Variants in NLRC5 observed in about 807,000 individuals in gnomAD.
The protein encoded by NLRC5 is NLR family CARD domain containing 5, also known as protein NLRC5.
In NLRC5, 114 loss-of-function variants were observed where a neutral mutation model predicts 206.9. That is an observed-to-expected ratio of 0.55 (90% CI 0.47 to 0.64). The LOEUF (loss-of-function observed/expected upper bound fraction) is 0.64. Ranked by LOEUF, NLRC5 falls within the 30% of genes least tolerant of loss-of-function variation. The pLI is 0.00. For synonymous variants in NLRC5, 952 were observed against 962.8 expected (o/e 0.99, Z 0.21); for missense variants, 2,008 against 2,305.5 (o/e 0.87, Z 2.64).
chr16:57,007,155 C>T (rs1354608275), intron 1 of NLRC5, among the ~76,000 whole-genome samples: 1 of 152,142 alleles, frequency 6.6e-6, no homozygotes, highest in Non-Finnish European at 1.5e-5. Context: ...TCCCAGCAGG[C>T]CCAGATCCCT....
rs368774149 is a variant in NLRC5 at position 57,001,296 on chromosome 16, G to A, written c.-128+11679G>A. ...CCAAATGTCTGTAGTCATGACTGGG[G>A]TGCCTGGCTATCACCCCACAAACTG... On this transcript the variant is annotated intron_variant, in intron 1 of 48. Transcript: ENST00000688547. Among the ~76,000 whole-genome samples, 4 of 152,300 alleles carry A rather than the reference G, an allele frequency of 2.6e-5. No homozygotes were observed. The East Asian group carries it at 7.7e-4, about 29-fold the overall frequency.
At chr16:57,023,692 T>C in intron 4 of NLRC5, 93 bp from the exon 5 acceptor site, 3 of 1,052,118 alleles carry the variant, frequency 2.9e-6, no homozygotes, top group Non-Finnish European at 4.2e-6. Context: ...GCCTGCCACC[T>C]GTCTGTGGAC....
At position 57,011,994 on chromosome 16, in the gene NLRC5, T is replaced by C. The variant is rs74843590; in HGVS notation, c.-127-5080T>C. Among the ~76,000 whole-genome samples the C allele has an allele frequency of 1.0e-3, 152 of 152,362 alleles. 2 individuals carry two copies. In the East Asian group the frequency reaches 0.026, roughly 26 times the overall value. On this transcript the variant is annotated intron_variant, in intron 1 of 48. Coordinates refer to ENST00000688547, the MANE Select transcript of NLRC5 (RefSeq NM_001384950.1). The stretch of plus-strand genomic sequence containing the variant: ...GAGTTATGTGACCATCACCACAATC[T>C]GGTTTTGGGACATTTTCATTACTGC...
intron 1 of NLRC5, among the ~76,000 whole-genome samples, chr16:57,014,836 T>G (rs2142750933): frequency 6.6e-6 from 1 of 152,210 alleles, no homozygotes; most frequent in East Asian, 1.9e-4. Context: ...AGGATGCGCT[T>G]CCTGGTTTGC....
intron 15 of NLRC5, among the ~76,000 whole-genome samples, chr16:57,039,372 T>C (rs892046192): frequency 2.6e-5 from 4 of 152,090 alleles, no homozygotes; most frequent in African/African-American, 9.7e-5. Context: ...TCAGAGGAAG[T>C]GGCTGCAGCT....
intron 1 of NLRC5, among the ~76,000 whole-genome samples, chr16:57,001,200 C>A (rs1159438825): frequency 6.6e-6 from 1 of 152,224 alleles, no homozygotes; most frequent in African/African-American, 2.4e-5. Flanking sequence ...GGTCCCCAGG[C>A]CCTGACCTGT....
chr16:57,020,103 C>T (rs778976773), intron 2 of NLRC5, among the ~76,000 whole-genome samples: 5 of 151,934 alleles, frequency 3.3e-5, no homozygotes, highest in African/African-American at 4.8e-5. Flanking sequence ...TATTTTATGT[C>T]GCTCAAATGT....
intron 1 of NLRC5, among the ~76,000 whole-genome samples, chr16:57,008,312 A>T (rs2059139615): frequency 6.6e-6 from 1 of 152,240 alleles, no homozygotes. Flanking sequence ...CGTGAAACAT[A>T]ACACATAGAA....
At chr16:57,046,675 C>T (rs1437777399) in intron 22 of NLRC5, 34 bp downstream of exon 22, 1 of 1,575,566 alleles carries the variant, frequency 6.3e-7, no homozygotes, top group Admixed American at 1.7e-5. Context: ...TGGGGGTAAC[C>T]ATAATAGGGA....
rs77710572 is a variant in NLRC5, at chr16:57,012,459, C to T, written c.-127-4615C>T. Among the ~76,000 whole-genome samples, 719 of 152,228 alleles carry T rather than the reference C, an allele frequency of 4.7e-3. 7 individuals are homozygous for T. Among genetic ancestry groups the T allele is most frequent in the African/African-American group, 0.016 (677 of 41,546 alleles). On this transcript the variant is annotated intron_variant, in intron 1 of 48. Transcript: ENST00000688547. ...CAACCCCCAGGCTACAGATCAGTGT[C>T]GGTTCATGGCCTGTTAGGAACTGGG...
intron 12 of NLRC5, 48 bp downstream of exon 12, chr16:57,033,717 G>C (rs757131815): frequency 1.3e-6 from 2 of 1,559,290 alleles, no homozygotes; most frequent in Non-Finnish European, 1.8e-6. Flanking sequence ...TGATATGGGG[G>C]AAAGTCCGAG....
At chr16:57,000,222 C>G (rs1231595119) in intron 1 of NLRC5, among the ~76,000 whole-genome samples, 3 of 152,136 alleles carry the variant, frequency 2.0e-5, no homozygotes, top group African/African-American at 7.2e-5. Context: ...GAAGCAAGGC[C>G]ACCAGCTGGC....
intron 41 of NLRC5, 93 bp from the exon 42 acceptor site, chr16:57,077,626 C>T (rs762462966): frequency 5.4e-5 from 69 of 1,268,238 alleles, no homozygotes; most frequent in Admixed American, 1.4e-4. Flanking sequence ...GTCTCTTAGG[C>T]CCCCTGAAGC....
rs1268567696 is a variant in NLRC5, at chr16:57,080,544, G to A, written c.5322-554G>A. On this transcript the variant is annotated intron_variant, in intron 46 of 48. Transcript: ENST00000688547. ...CTGTTACCCAGGCTGGAGTGCAGTG[G>A]TGCAATCTCGGCTCACTGCAACCTC... Among the ~76,000 whole-genome samples, 6 of 140,280 alleles carry A rather than the reference G, an allele frequency of 4.3e-5. No homozygotes were observed. The Admixed American group carries it at 4.6e-4, about 11-fold the overall frequency. 92.0% of individuals were successfully genotyped at this position (140,280 alleles called of 152,430 possible).
intron 29 of NLRC5, 21 bp from the exon 30 acceptor site, chr16:57,059,446 C>A: frequency 6.3e-7 from 1 of 1,597,778 alleles, no homozygotes; most frequent in East Asian, 2.3e-5. Context: ...ACCGTGCTTC[C>A]CCAGGCCCTT....
chr16:57,049,733 C>T (rs796622660), intron 23 of NLRC5, among the ~76,000 whole-genome samples: 11 of 145,192 alleles, frequency 7.6e-5, no homozygotes, highest in Middle Eastern at 3.3e-3. Context: ...GACTCTGTCT[C>T]AAATAAATAA....
Position 57,005,498 on chromosome 16 carries a change from TAA to T in NLRC5, c.-127-11563_-127-11562del, listed in dbSNP as rs10707313. On this transcript the variant is annotated intron_variant, in intron 1 of 48. Coordinates refer to ENST00000688547, the MANE Select transcript of NLRC5 (RefSeq NM_001384950.1). Reference sequence around the variant, plus strand: ...ACATAGCGGGACCTCATCTTAATATTAAAAAAAAAAAAAAGAGAAAGAAAAAA... The same window carrying T: ...ACATAGCGGGACCTCATCTTAATATTAAAAAAAAAAAAGAGAAAGAAAAAA... Among the ~76,000 whole-genome samples the T allele has an allele frequency of 3.0e-3, 439 of 144,332 alleles. 3 individuals are homozygous for T. The highest frequency in any genetic ancestry group is 8.2e-3 in the East Asian group (41 of 4,996). 94.7% of individuals were successfully genotyped at this position (144,332 alleles called of 152,430 possible).
chr16:57,022,728 A>G (rs537984516), intron 4 of NLRC5, among the ~76,000 whole-genome samples: 1 of 152,288 alleles, frequency 6.6e-6, no homozygotes, highest in East Asian at 1.9e-4. Context: ...TCAGCGGGGG[A>G]GCCTTTGGCT....
rs1323215247 is a variant in NLRC5 at position 57,026,556 on chromosome 16, C to A, written c.1613C>A (p.Thr538Asn). Residue 538 changes from threonine (T) to asparagine (N), a missense_variant, in exon 6 of 49, where the codon ACC becomes AAC. Coordinates refer to ENST00000688547, the MANE Select transcript of NLRC5 (RefSeq NM_001384950.1). ...ASPKVNKDTL[T>N]QYVTLHSRWV... ...CCCAAGGTGAACAAAGACACACTTACCCAGTATGTTACCCTCCATTCCCGC... is the reference window on the plus strand; with the variant it reads ...CCCAAGGTGAACAAAGACACACTTAACCAGTATGTTACCCTCCATTCCCGC... 3 of 1,614,196 alleles carry A rather than the reference C, an allele frequency of 1.9e-6. No individual in the cohort carries two copies. The highest frequency in any genetic ancestry group is 2.5e-6 in the Non-Finnish European group (3 of 1,180,044).
Sources: allele counts gnomAD v4.1 joint callset (sites outside exome capture counted in the v4.1 genomes callset), GRCh38; gene constraint gnomAD v4.1.1; transcripts MANE v1.5; gene names NCBI Gene and HGNC (gene_info 2026-07-23, HGNC 2026-07-21).